Variants in RGL1 observed in about 807,000 individuals in gnomAD.
RGL1 encodes the protein ral guanine nucleotide dissociation stimulator-like 1.
Under a neutral mutation model 95.2 loss-of-function variants are expected in RGL1, and 24 were observed. The ratio of observed to expected loss-of-function variants is 0.25; its 90% CI spans 0.18 to 0.35. The LOEUF (loss-of-function observed/expected upper bound fraction) is 0.35. Ranked by LOEUF, RGL1 falls within the 10% of genes least tolerant of loss-of-function variation. RGL1 has a pLI of 1.00. For missense variants in RGL1, 715 were observed against 936.3 expected (o/e 0.76, Z 3.08); for synonymous variants, 329 against 344.9 (o/e 0.95, Z 0.51).
chr1:183,763,346 C>A (rs1658804204), intron 2 of RGL1, among the ~76,000 whole-genome samples: 1 of 152,026 alleles, frequency 6.6e-6, no homozygotes, highest in East Asian at 1.9e-4. Context: ...ATATAACAAA[C>A]CTGCACGTTC....
chr1:183,683,127 T>C (rs1029640309), intron 1 of RGL1, among the ~76,000 whole-genome samples: 4 of 152,258 alleles, frequency 2.6e-5, no homozygotes, highest in Admixed American at 2.0e-4. Context: ...CTATCCAATT[T>C]GCCAGTCTGT....
chr1:183,825,007 G>T (rs1363648134), intron 2 of RGL1, among the ~76,000 whole-genome samples: 1 of 152,158 alleles, frequency 6.6e-6, no homozygotes, highest in East Asian at 1.9e-4. Flanking sequence ...CAGTAGAGTA[G>T]ATAAAAACCT....
chr1:183,807,593 G>A (rs894836953), intron 2 of RGL1, among the ~76,000 whole-genome samples: 3 of 152,158 alleles, frequency 2.0e-5, no homozygotes, highest in Non-Finnish European at 2.9e-5. Context: ...GCCCATGGCC[G>A]GCAGCAATCA....
At chr1:183,898,029 C>G (rs1667801722) in intron 10 of RGL1, 132 bp downstream of exon 10, 1 of 685,244 alleles carries the variant, frequency 1.5e-6, no homozygotes, top group East Asian at 2.7e-5. Flanking sequence ...CCATTCTCTA[C>G]CCCATTTGTT....
intron 2 of RGL1, among the ~76,000 whole-genome samples, chr1:183,794,994 T>C (rs1395828025): frequency 6.6e-6 from 1 of 152,110 alleles, no homozygotes; most frequent in African/African-American, 2.4e-5. Flanking sequence ...AGACAATATC[T>C]AAGATTTATT....
chr1:183,816,461 A>G (rs909814922), intron 2 of RGL1, among the ~76,000 whole-genome samples: 1 of 152,154 alleles, frequency 6.6e-6, no homozygotes, highest in African/African-American at 2.4e-5. Flanking sequence ...TAGCTTATAC[A>G]GTGCCTGAGC....
chr1:183,914,509 C>A (rs528080910), intron 15 of RGL1, among the ~76,000 whole-genome samples: 1 of 152,280 alleles, frequency 6.6e-6, no homozygotes, highest in East Asian at 1.9e-4. Context: ...GAGCTGACCT[C>A]CACACTTCCT....
intron 1 of RGL1, among the ~76,000 whole-genome samples, chr1:183,664,322 A>G (rs919245895): frequency 6.6e-6 from 1 of 152,162 alleles, no homozygotes; most frequent in African/African-American, 2.4e-5. Flanking sequence ...TGATTTTTGT[A>G]TCCTGCAACT....
At chr1:183,883,189 T>C (rs555419422) in intron 5 of RGL1, among the ~76,000 whole-genome samples, 1 of 152,346 alleles carries the variant, frequency 6.6e-6, no homozygotes. Flanking sequence ...ATTTGCTAAT[T>C]GATGATCTTG....
At chr1:183,770,347 G>A (rs1005370470) in intron 2 of RGL1, among the ~76,000 whole-genome samples, 2 of 152,128 alleles carry the variant, frequency 1.3e-5, no homozygotes, top group African/African-American at 4.8e-5. Flanking sequence ...GAGAGAGACT[G>A]AAACCCATCT....
Position 183,880,690 on chromosome 1 carries a change from G to T in RGL1, c.500G>T (p.Cys167Phe). ...TTCCGAGAGCCCCCTCACTTCCCTT[G>T]CTTACAGAAACTGCTGGATTATCTC... is the stretch of plus-strand genomic sequence containing the variant. ...EDFREPPHFP[C>F]LQKLLDYLTR... is the part of the protein sequence containing the mutation. The change falls in exon 5 of 18, where the codon TGC becomes TTC. Residue 167 changes from cysteine (C) to phenylalanine (F), a missense_variant. By Grantham distance (205) the Cys-to-Phe change is radical. Around this residue, in one of 3 missense-constraint regions of RGL1, gnomAD observed 381 missense variants for 484.8 expected, o/e 0.79. Coordinates refer to ENST00000360851, the MANE Select transcript of RGL1 (RefSeq NM_001297671.3). 1 of 1,613,920 alleles carries T rather than the reference G, an allele frequency of 6.2e-7. No individual in the cohort carries two copies. Among genetic ancestry groups the T allele is most frequent in the African/African-American group, 1.3e-5 (1 of 75,022 alleles).
intron 1 of RGL1, among the ~76,000 whole-genome samples, chr1:183,714,623 T>C (rs1655501065): frequency 6.6e-6 from 1 of 152,218 alleles, no homozygotes; most frequent in Non-Finnish European, 1.5e-5. Flanking sequence ...ACTAAGGACG[T>C]ATAAGAACTG....
chr1:183,783,660 A>G (rs1363222580), intron 2 of RGL1, among the ~76,000 whole-genome samples: 1 of 152,156 alleles, frequency 6.6e-6, no homozygotes, highest in Non-Finnish European at 1.5e-5. Context: ...GTAATCAGAC[A>G]TGGATCTTAT....
At chr1:183,810,716 A>G (rs1661650679) in intron 2 of RGL1, among the ~76,000 whole-genome samples, 1 of 152,126 alleles carries the variant, frequency 6.6e-6, no homozygotes, top group Non-Finnish European at 1.5e-5. Flanking sequence ...TTCTATTTAG[A>G]TTGACTCTAC....
intron 2 of RGL1, among the ~76,000 whole-genome samples, chr1:183,807,054 GA>G (rs1392029146): frequency 6.6e-6 from 1 of 152,084 alleles, no homozygotes; most frequent in Non-Finnish European, 1.5e-5. Flanking sequence ...TGGGCCTTTG[GA>G]AAAATGCTGC....
chr1:183,727,739 A>G (rs12562713), intron 1 of RGL1, among the ~76,000 whole-genome samples: 67,591 of 152,028 alleles, frequency 0.44, 16,330 homozygotes, highest in East Asian at 0.76. Flanking sequence ...AGTAGAACTA[A>G]TAAGTGATTT....
At chr1:183,810,175 A>G (rs1472647896) in intron 2 of RGL1, among the ~76,000 whole-genome samples, 2 of 152,222 alleles carry the variant, frequency 1.3e-5, no homozygotes, top group Non-Finnish European at 2.9e-5. Flanking sequence ...AAAGAATTCA[A>G]CTGTTTGGGA....
At chr1:183,713,828 T>C (rs1388378088) in intron 1 of RGL1, among the ~76,000 whole-genome samples, 2 of 152,198 alleles carry the variant, frequency 1.3e-5, no homozygotes, top group African/African-American at 2.4e-5. Context: ...ATACCATGAA[T>C]CTAGAGATAT....
chr1:183,829,838 A>G (rs988132301), intron 2 of RGL1, among the ~76,000 whole-genome samples: 44 of 113,532 alleles, frequency 3.9e-4, no homozygotes, highest in African/African-American at 1.5e-3. Flanking sequence ...GTGCACACCT[A>G]CTGATTATTC....
Sources: gnomAD v4.1 joint callset for allele counts (sites outside exome capture counted in the v4.1 genomes callset) on GRCh38, gnomAD v4.1.1 for gene constraint, gnomAD v4.1.1 regional missense constraint, MANE v1.5 for transcripts, NCBI Gene and HGNC (gene_info 2026-07-23, HGNC 2026-07-21) for gene names.